NKAIN2: variants seen among roughly 807,000 people sequenced by gnomAD.
The protein encoded by NKAIN2 is sodium/potassium transporting ATPase interacting 2, also known as sodium/potassium-transporting ATPase subunit beta-1-interacting protein 2.
NKAIN2 carries 14 observed loss-of-function variants against 32.6 expected under a neutral mutation model. The ratio of observed to expected loss-of-function variants is 0.43; its 90% CI spans 0.28 to 0.67. The LOEUF (loss-of-function observed/expected upper bound fraction) is 0.67. NKAIN2 is among the 30% of genes least tolerant of loss of function. NKAIN2 has a pLI of 0.17. For synonymous variants in NKAIN2, 80 were observed against 87.2 expected (o/e 0.92, Z 0.46); for missense variants, 198 against 258.3 (o/e 0.77, Z 1.60).
intron 1 of NKAIN2, among the ~76,000 whole-genome samples, chr6:124,202,651 G>A (rs929929485): frequency 2.0e-5 from 3 of 151,842 alleles, no homozygotes; most frequent in African/African-American, 4.8e-5. Context: ...ACCTTTGAAT[G>A]TTAGGATTTT....
intron 1 of NKAIN2, among the ~76,000 whole-genome samples, chr6:124,069,926 T>C (rs1783363107): frequency 6.6e-6 from 1 of 152,184 alleles, no homozygotes; most frequent in South Asian, 2.1e-4. Flanking sequence ...GTGCCTGTCA[T>C]TTGTGACGTT....
chr6:124,524,574 C>T (rs1318658291), intron 3 of NKAIN2, among the ~76,000 whole-genome samples: 1 of 152,068 alleles, frequency 6.6e-6, no homozygotes, highest in East Asian at 1.9e-4. Flanking sequence ...GTTGCATTTG[C>T]ACTCCAGAAA....
chr6:124,732,924 A>T (rs1776758556), intron 4 of NKAIN2, among the ~76,000 whole-genome samples: 1 of 152,028 alleles, frequency 6.6e-6, no homozygotes. Context: ...AGTAACCAAG[A>T]TGTTCTTGAG....
At chr6:124,381,816 T>C (rs150040916) in intron 3 of NKAIN2, among the ~76,000 whole-genome samples, 322 of 152,316 alleles carry the variant, frequency 2.1e-3, no homozygotes, top group African/African-American at 6.5e-3. Flanking sequence ...AATTTGTAAA[T>C]GTTACTTTTA....
At chr6:124,331,230 A>T (rs760991158) in intron 2 of NKAIN2, among the ~76,000 whole-genome samples, 1 of 151,744 alleles carries the variant, frequency 6.6e-6, no homozygotes, top group Non-Finnish European at 1.5e-5. Flanking sequence ...GGCCGGGCAC[A>T]GTGGCTCACG....
intron 1 of NKAIN2, among the ~76,000 whole-genome samples, chr6:124,235,801 G>A (rs1276844665): frequency 6.6e-6 from 1 of 151,978 alleles, no homozygotes; most frequent in Non-Finnish European, 1.5e-5. Flanking sequence ...GTTTCACCAT[G>A]TTGGCCAGGC....
chr6:124,279,455 C>T (rs952005055), intron 1 of NKAIN2, among the ~76,000 whole-genome samples: 90 of 144,790 alleles, frequency 6.2e-4, no homozygotes, highest in African/African-American at 2.3e-3. Flanking sequence ...TGCAGTGAGC[C>T]GAGATCACAC....
chr6:124,731,431 A>C (rs567614083), intron 4 of NKAIN2, among the ~76,000 whole-genome samples: 30 of 150,080 alleles, frequency 2.0e-4, no homozygotes, highest in Admixed American at 4.6e-4. Flanking sequence ...AAATTGGAAA[A>C]CATCATTCTC....
intron 1 of NKAIN2, among the ~76,000 whole-genome samples, chr6:124,257,498 A>C (rs1794005619): frequency 6.6e-6 from 1 of 152,182 alleles, no homozygotes; most frequent in Admixed American, 6.5e-5. Context: ...AGACTTCTTG[A>C]TTATAAAATT....
At chr6:124,327,027 T>C (rs1184858996) in intron 2 of NKAIN2, among the ~76,000 whole-genome samples, 2 of 152,114 alleles carry the variant, frequency 1.3e-5, no homozygotes, top group East Asian at 3.9e-4. Flanking sequence ...TATTTACAAT[T>C]GAGCAGTTCT....
intron 1 of NKAIN2, among the ~76,000 whole-genome samples, chr6:123,893,047 G>A (rs1774096641): frequency 6.6e-6 from 1 of 151,874 alleles, no homozygotes; most frequent in African/African-American, 2.4e-5. Flanking sequence ...TCTTGCGTCT[G>A]TTTTCAAATA....
intron 3 of NKAIN2, among the ~76,000 whole-genome samples, chr6:124,621,088 C>T (rs998105515): frequency 6.6e-6 from 1 of 152,146 alleles, no homozygotes; most frequent in Non-Finnish European, 1.5e-5. Flanking sequence ...GTAGCGAGGC[C>T]TGAGTCTCAT....
In NKAIN2 at chr6:124,662,903, C is replaced by T. The variant is rs946428933; in HGVS notation, c.474+4517C>T. On this transcript the variant is annotated intron_variant, in intron 4 of 6. Transcript: ENST00000368417. ...ACGTCACCTAGAATATTGCCATTCA[C>T]GTTTTACATGTTAAATCTAAGTTGT... Among the ~76,000 whole-genome samples, 7 of 152,138 alleles carry T rather than the reference C, an allele frequency of 4.6e-5. No homozygotes were observed. The East Asian group carries it at 7.8e-4, about 17-fold the overall frequency.
intron 3 of NKAIN2, among the ~76,000 whole-genome samples, chr6:124,437,226 A>G (rs1775485369): frequency 6.6e-6 from 1 of 152,204 alleles, no homozygotes; most frequent in Admixed American, 6.5e-5. Context: ...CTTACCCTAG[A>G]AAATGAAATC....
intron 1 of NKAIN2, among the ~76,000 whole-genome samples, chr6:124,166,029 C>T (rs1788522307): frequency 2.8e-5 from 3 of 107,058 alleles, no homozygotes; most frequent in East Asian, 2.6e-4. Context: ...TGGGTATATA[C>T]CCAGTAATGG....
intron 1 of NKAIN2, among the ~76,000 whole-genome samples, chr6:123,896,369 T>A (rs1189343890): frequency 2.0e-5 from 3 of 152,064 alleles, no homozygotes; most frequent in Admixed American, 6.5e-5. Flanking sequence ...TATTCTAGAA[T>A]TTTTGCTCTC....
intron 1 of NKAIN2, among the ~76,000 whole-genome samples, chr6:124,090,543 G>A (rs1784371922): frequency 1.3e-5 from 2 of 151,968 alleles, no homozygotes; most frequent in Non-Finnish European, 2.9e-5. Flanking sequence ...GATGATAATA[G>A]GTGTCGTGTT....
chr6:124,494,489 TTTAA>T (rs963405864), intron 3 of NKAIN2, among the ~76,000 whole-genome samples: 2 of 152,124 alleles, frequency 1.3e-5, no homozygotes, highest in African/African-American at 4.8e-5. Flanking sequence ...CCTGTGTCAT[TTTAA>T]TAAGGGCTCT....
At chr6:124,476,097 T>TGTGCGC (rs1491311913) in intron 3 of NKAIN2, among the ~76,000 whole-genome samples, 1 of 128,478 alleles carries the variant, frequency 7.8e-6, no homozygotes, top group African/African-American at 2.7e-5. Context: ...TGTGTGTGTG[T>TGTGCGC]GCGTGCGCGC....
Sources: allele counts gnomAD v4.1 joint callset (sites outside exome capture counted in the v4.1 genomes callset), GRCh38; gene constraint gnomAD v4.1.1; transcripts MANE v1.5; gene names NCBI Gene and HGNC (gene_info 2026-07-23, HGNC 2026-07-21).